Variants in ZNF248 observed in about 807,000 individuals in gnomAD.
ZNF248 encodes zinc finger protein 248, also known as KRAB protein domain.
ZNF248 carries 20 observed loss-of-function variants against 44.3 expected under a neutral mutation model. The observed-to-expected ratio is 0.45, with a 90% CI of 0.32 to 0.66. ZNF248 has a LOEUF of 0.66. ZNF248 is among the 30% of genes least tolerant of loss of function. ZNF248 has a pLI of 0.04. For missense variants in ZNF248, 654 were observed against 677.0 expected (o/e 0.97, Z 0.38); for synonymous variants, 224 against 229.0 (o/e 0.98, Z 0.20).
intron 6 of ZNF248, among the ~76,000 whole-genome samples, chr10:37,790,744 A>AG: frequency 6.7e-6 from 1 of 148,452 alleles, no homozygotes; most frequent in Non-Finnish European, 1.5e-5. Context: ...AATTTTTTAA[A>AG]AAAATAAAAA....
chr10:37,773,001 A>T (rs1370475588), downstream of ZNF248, among the ~76,000 whole-genome samples: 3 of 152,166 alleles, frequency 2.0e-5, no homozygotes, highest in African/African-American at 7.2e-5. Context: ...GGAAAAAAAA[A>T]TGGGGGAGGC....
Position 37,823,335 on chromosome 10 carries a change from A to G in ZNF248, c.330+9690T>C, listed in dbSNP as rs1247032403. ...GTGACAGAGCGAGACTCCGTCTCCA[A>G]AAAAAAAAAAAAAAAAAAAAAAAAA... On this transcript the variant is annotated intron_variant, in intron 6 of 6. Coordinates refer to the ZNF248 transcript ENST00000615949. Among the ~76,000 whole-genome samples the G allele has an allele frequency of 3.7e-5, 3 of 80,628 alleles. No individual in the cohort carries two copies. In the Admixed American group the frequency reaches 4.0e-4, roughly 11 times the overall value. The allele number at this position is 80,628 out of a possible 152,430, so 52.9% of individuals were successfully genotyped here. A position where few individuals can be genotyped will look rare whatever the true frequency, so the allele number is the denominator to read the frequency against.
intron 6 of ZNF248, among the ~76,000 whole-genome samples, chr10:37,801,590 T>C (rs965238494): frequency 6.6e-6 from 1 of 151,958 alleles, no homozygotes; most frequent in African/African-American, 2.4e-5. Context: ...AAAAATAATA[T>C]AGAAAAATGA....
At chr10:37,820,267 GCT>G in intron 6 of ZNF248, 7 of 1,375,716 alleles carry the variant, frequency 5.1e-6, no homozygotes, top group East Asian at 2.3e-5. Context: ...CTGCAGAAAT[GCT>G]CTGTGTTGCC....
At chr10:37,770,720 T>G in the ZNF248 span, among the ~76,000 whole-genome samples, 3 of 152,302 alleles carry the variant, frequency 2.0e-5, no homozygotes, top group African/African-American at 7.2e-5. Flanking sequence ...GGGGAAGGAC[T>G]TCATGTCTAA....
chr10:37,853,409 G>A (rs939228459), intron 3 of ZNF248, among the ~76,000 whole-genome samples: 9 of 152,116 alleles, frequency 5.9e-5, no homozygotes, highest in African/African-American at 1.7e-4. Context: ...ACGGAGTCTC[G>A]CTCTGTCGCC....
intron 6 of ZNF248, among the ~76,000 whole-genome samples, chr10:37,822,141 T>C (rs1183981554): frequency 1.3e-5 from 2 of 152,168 alleles, no homozygotes; most frequent in Non-Finnish European, 1.5e-5. Context: ...ATTCCAAAAG[T>C]TGTAATAAGT....
At chr10:37,774,285 G>A (rs751300550), downstream of ZNF248, among the ~76,000 whole-genome samples, 2 of 152,070 alleles carry the variant, frequency 1.3e-5, no homozygotes, top group Non-Finnish European at 2.9e-5. Flanking sequence ...ATTTGTTACC[G>A]CAGTCACAGG....
At chr10:37,837,403 G>A (rs1369033622) in intron 5 of ZNF248, among the ~76,000 whole-genome samples, 1 of 152,244 alleles carries the variant, frequency 6.6e-6, no homozygotes, top group Non-Finnish European at 1.5e-5. Context: ...GTGAGCCACC[G>A]CACCCAGCCA....
At position 37,777,870 on chromosome 10, in the gene ZNF248, C is replaced by A. The variant is rs576160884; in HGVS notation, c.331-1295G>T. Among the ~76,000 whole-genome samples, 347 of 152,002 alleles carry A rather than the reference C, an allele frequency of 2.3e-3. 1 individual carries two copies. The highest frequency in any genetic ancestry group is 7.8e-3 in the African/African-American group (324 of 41,458). ...TCCCTACAAAGGACATGAACTCATC[C>A]TTTTTTATGGCTGCATAGTATTCCA... is the stretch of plus-strand genomic sequence containing the variant. On this transcript the variant is annotated intron_variant, in intron 6 of 6. Transcript: ENST00000615949.
At chr10:37,833,230 T>C in intron 5 of ZNF248, 114 bp from the exon 6 acceptor site, 1 of 1,407,304 alleles carries the variant, frequency 7.1e-7, no homozygotes, top group Non-Finnish European at 9.3e-7. Context: ...AAATTCAGTT[T>C]CCTGGTGTGA....
chr10:37,798,672 T>C (rs1200764075), intron 6 of ZNF248, among the ~76,000 whole-genome samples: 1 of 152,072 alleles, frequency 6.6e-6, no homozygotes, highest in Non-Finnish European at 1.5e-5. Context: ...CACAAACATA[T>C]ATGTATACAC....
chr10:37,817,852 A>G (rs2052763562), intron 6 of ZNF248, among the ~76,000 whole-genome samples: 1 of 152,194 alleles, frequency 6.6e-6, no homozygotes, highest in Non-Finnish European at 1.5e-5. Flanking sequence ...CTTTATTAAA[A>G]GAACAAGTCT....
At chr10:37,797,784 TA>T (rs2049329967) in intron 6 of ZNF248, among the ~76,000 whole-genome samples, 1 of 152,062 alleles carries the variant, frequency 6.6e-6, no homozygotes, top group Admixed American at 6.6e-5. Flanking sequence ...AGAAAAGCTG[TA>T]ATAAAAAAGA....
At chr10:37,790,270 CAAAAAAAAAAA>C (rs35082361) in intron 6 of ZNF248, among the ~76,000 whole-genome samples, 5 of 91,000 alleles carry the variant, frequency 5.5e-5, no homozygotes, top group Non-Finnish European at 1.1e-4. Flanking sequence ...GACTCTGTGT[CAAAAAAAAAAA>C]AAAAAAAAAG....
intron 3 of ZNF248, 150 bp downstream of exon 3, chr10:37,856,146 C>T (rs2061245404): frequency 1.3e-6 from 1 of 751,208 alleles, no homozygotes; most frequent in Admixed American, 2.5e-5. Context: ...AATTTGCCAA[C>T]TGCACTATTT....
At chr10:37,856,217 C>T in intron 3 of ZNF248, 79 bp downstream of exon 3, 1 of 1,495,778 alleles carries the variant, frequency 6.7e-7, no homozygotes, top group Non-Finnish European at 9.1e-7. Context: ...TCTATTTTTC[C>T]ATTTTCAAAA....
chr10:37,761,711 A>T, the ZNF248 span, among the ~76,000 whole-genome samples: 1 of 152,202 alleles, frequency 6.6e-6, no homozygotes, highest in Non-Finnish European at 1.5e-5. Flanking sequence ...TTTTCCTAAG[A>T]GCATATTCTC....
At chr10:37,792,604 C>T (rs2133091219) in intron 6 of ZNF248, among the ~76,000 whole-genome samples, 1 of 152,240 alleles carries the variant, frequency 6.6e-6, no homozygotes, top group Non-Finnish European at 1.5e-5. Context: ...TCAAAGTTAG[C>T]ACCATCAGCC....
Sources: gnomAD v4.1 joint callset for allele counts (sites outside exome capture counted in the v4.1 genomes callset) on GRCh38, gnomAD v4.1.1 for gene constraint, MANE v1.5 for transcripts, NCBI Gene and HGNC (gene_info 2026-07-23, HGNC 2026-07-21) for gene names.